YIPF1: variants seen among roughly 807,000 people sequenced by gnomAD.
YIPF1 encodes protein YIPF1.
Under a neutral mutation model 37.0 loss-of-function variants are expected in YIPF1, and 22 were observed. That is an observed-to-expected ratio of 0.59 (90% CI 0.42 to 0.85). YIPF1 has a LOEUF of 0.85. Ranked by LOEUF, YIPF1 falls within the 40% of genes least tolerant of loss-of-function variation. The probability of loss-of-function intolerance (pLI) is 0.00; values close to 1 mark genes in which losing one functional copy is unlikely to be tolerated. For synonymous variants in YIPF1, 128 were observed against 131.9 expected (o/e 0.97, Z 0.21); for missense variants, 355 against 373.1 (o/e 0.95, Z 0.40).
intron 7 of YIPF1, among the ~76,000 whole-genome samples, chr1:53,869,158 T>TCACACA (rs1191309311): frequency 1.4e-4 from 17 of 121,398 alleles, no homozygotes; most frequent in African/African-American, 4.5e-4. Flanking sequence ...TCTCTCTCTC[T>TCACACA]CTCACACACA....
chr1:53,882,532 A>G (rs1650529652), intron 4 of YIPF1, among the ~76,000 whole-genome samples: 1 of 151,054 alleles, frequency 6.6e-6, no homozygotes, highest in Non-Finnish European at 1.5e-5. Flanking sequence ...ATCTCAGCTC[A>G]CTGCAACCTC....
chr1:53,881,207 G>A (rs1650487582), intron 4 of YIPF1, among the ~76,000 whole-genome samples: 1 of 136,958 alleles, frequency 7.3e-6, no homozygotes, highest in Non-Finnish European at 1.5e-5. Flanking sequence ...AGGTTGCAAT[G>A]AGCCTCCAGC....
At chr1:53,885,383 T>C (rs754443088) in intron 3 of YIPF1, among the ~76,000 whole-genome samples, 17 of 152,062 alleles carry the variant, frequency 1.1e-4, no homozygotes, top group Admixed American at 3.3e-4. Context: ...ACACACAAAC[T>C]GGTGGTCCCA....
At chr1:53,852,989 G>A (rs1157294930) in intron 10 of YIPF1, among the ~76,000 whole-genome samples, 4 of 152,172 alleles carry the variant, frequency 2.6e-5, no homozygotes, top group Non-Finnish European at 5.9e-5. Flanking sequence ...GGACAGAGAT[G>A]AAAAATACTT....
Position 53,889,286 on chromosome 1 carries a change from G to A in YIPF1, c.-92C>T, listed in dbSNP as rs1428270057. The A allele has an allele frequency of 9.6e-6, 2 of 208,042 alleles. No homozygotes were observed. Among genetic ancestry groups the A allele is most frequent in the East Asian group, 1.0e-4 (1 of 9,542 alleles). The allele number at this position is 208,042 out of a possible 1,614,324, so 12.9% of individuals were successfully genotyped here. On this transcript the variant is annotated 5_prime_UTR_variant, in exon 2 of 11. Transcript: ENST00000072644. ...AGCAGGTGCAGCCTAGAGATGTAAC[G>A]ATGAGGAAGGAGAGGCTGAGGTTTG... is the stretch of plus-strand genomic sequence containing the variant.
rs761442330 is a variant in YIPF1 at position 53,866,900 on chromosome 1, T to C, written c.506A>G (p.Tyr169Cys). 3.1e-6 allele frequency: 5 copies of C among 1,613,110 alleles called. No homozygotes were observed. Among genetic ancestry groups the C allele is most frequent in the South Asian group, 1.1e-5 (1 of 90,950 alleles). Residue 169 changes from tyrosine (Y) to cysteine (C), a missense_variant, in exon 8 of 11, where the codon TAT becomes TGT. Transcript: ENST00000072644. The stretch of plus-strand genomic sequence containing the variant: ...AAGAGGAACCAGCCAGGCATAGGCA[T>C]AGATGATGGTAGCTGCTATGGACAC... ...RKVSIAATII[Y>C]AYAWLVPLAL... is the part of the protein sequence containing the mutation.
At position 53,885,395 on chromosome 1, in the gene YIPF1, C is replaced by T. The variant is rs541548249; in HGVS notation, c.32-2119G>A. On this transcript the variant is annotated intron_variant, in intron 3 of 10. Transcript: ENST00000072644. ...GGCACACACAAACTGGTGGTCCCAG[C>T]TACTTGGGACGCTGAGGCAGGAGAA... is the stretch of plus-strand genomic sequence containing the variant. Among the ~76,000 whole-genome samples the T allele has an allele frequency of 2.3e-4, 35 of 152,278 alleles. No homozygotes were observed. In the South Asian group the frequency reaches 7.2e-3, roughly 32 times the overall value.
At position 53,871,417 on chromosome 1, in the gene YIPF1, G is replaced by A; in HGVS notation, c.436C>T (p.His146Tyr). Reference sequence around the variant, plus strand: ...TAATGGTACGTCTTCTCTCCCAGATGGATCAAGAAGTTGGAAAGATTCCCA... The same window carrying A: ...TAATGGTACGTCTTCTCTCCCAGATAGATCAAGAAGTTGGAAAGATTCCCA... ...ISGNLSNFLI[H>Y]LGEKTYHYVP... Residue 146 changes from histidine to tyrosine, a missense_variant, in exon 7 of 11, where the codon CAT becomes TAT. Transcript: ENST00000072644. 1 of 1,613,984 alleles carries A rather than the reference G, an allele frequency of 6.2e-7. No individual in the cohort carries two copies. The highest frequency in any genetic ancestry group is 8.5e-7 in the Non-Finnish European group (1 of 1,179,936).
chr1:53,853,770 C>T (rs1265405202), intron 10 of YIPF1, among the ~76,000 whole-genome samples: 1 of 152,224 alleles, frequency 6.6e-6, no homozygotes, highest in Non-Finnish European at 1.5e-5. Flanking sequence ...ACCTAAAGCC[C>T]TGATCAGCCT....
intron 6 of YIPF1, among the ~76,000 whole-genome samples, chr1:53,877,377 T>C (rs2100737031): frequency 6.6e-6 from 1 of 152,344 alleles, no homozygotes; most frequent in Non-Finnish European, 1.5e-5. Flanking sequence ...TGATCCTCAC[T>C]GAGCATCAGC....
At position 53,860,094 on chromosome 1, in the gene YIPF1, G is replaced by C; in HGVS notation, c.891C>G (p.Asn297Lys). The part of the protein sequence containing the change: ...DHLPTTTATP[N>K]QTVAAAKSS ...TGGACTTGGCTGCAGCAACTGTTTG[G>C]TTTGGAGTAGCTGTAGTTGTTGGGA... The change falls in exon 10 of 11, where the codon AAC (asparagine) becomes AAG (lysine). Residue 297 changes from asparagine to lysine, a missense_variant. Physicochemically the swap from Asn to Lys is moderately conservative, Grantham distance 94 (BLOSUM62 0). Coordinates refer to ENST00000072644, the MANE Select transcript of YIPF1 (RefSeq NM_018982.5). 1 of 1,614,132 alleles carries C rather than the reference G, an allele frequency of 6.2e-7. No homozygotes were observed. Among genetic ancestry groups the C allele is most frequent in the Non-Finnish European group, 8.5e-7 (1 of 1,180,002 alleles).
At chr1:53,864,999 C>G (rs1268766565) in intron 9 of YIPF1, among the ~76,000 whole-genome samples, 1 of 152,152 alleles carries the variant, frequency 6.6e-6, no homozygotes, top group Non-Finnish European at 1.5e-5. Context: ...AGTGACAGAG[C>G]CGGTCTTCAA....
intron 3 of YIPF1, among the ~76,000 whole-genome samples, chr1:53,883,986 G>A (rs955117364): frequency 6.6e-6 from 1 of 151,334 alleles, no homozygotes; most frequent in Non-Finnish European, 1.5e-5. Flanking sequence ...GCAGTGAGCC[G>A]AGATCACACC....
intron 6 of YIPF1, among the ~76,000 whole-genome samples, chr1:53,875,711 A>T (rs1343384209): frequency 1.3e-5 from 2 of 152,150 alleles, no homozygotes; most frequent in Non-Finnish European, 2.9e-5. Flanking sequence ...CTTTGAATGT[A>T]CTAGGCTAGC....
intron 6 of YIPF1, among the ~76,000 whole-genome samples, chr1:53,873,501 AT>A (rs1182019459): frequency 6.6e-6 from 1 of 152,090 alleles, no homozygotes; most frequent in Non-Finnish European, 1.5e-5. Flanking sequence ...TGAGTTAGGA[AT>A]TTATCTTGAG....
At chr1:53,866,407 G>A (rs199984223) in intron 8 of YIPF1, 25 bp from the exon 9 acceptor site, 8 of 1,608,596 alleles carry the variant, frequency 5.0e-6, no homozygotes, top group Non-Finnish European at 5.9e-6. Flanking sequence ...AAGGAGGAGC[G>A]GGGAGTTCTT....
At chr1:53,853,285 G>C (rs960697470) in intron 10 of YIPF1, among the ~76,000 whole-genome samples, 1 of 152,174 alleles carries the variant, frequency 6.6e-6, no homozygotes, top group African/African-American at 2.4e-5. Context: ...CCAGGCGAGG[G>C]TGTAATAAAG....
chr1:53,857,394 T>C (rs1649747235), intron 10 of YIPF1, among the ~76,000 whole-genome samples: 1 of 152,194 alleles, frequency 6.6e-6, no homozygotes, highest in Non-Finnish European at 1.5e-5. Flanking sequence ...CAAAGGAGTG[T>C]GGAGACTGCT....
intron 4 of YIPF1, among the ~76,000 whole-genome samples, chr1:53,882,070 T>C (rs554475847): frequency 2.6e-5 from 4 of 152,254 alleles, no homozygotes; most frequent in African/African-American, 9.6e-5. Context: ...GGGACATGGA[T>C]GGAGTTGGAA....
Sources: allele counts gnomAD v4.1 joint callset (sites outside exome capture counted in the v4.1 genomes callset), GRCh38; gene constraint gnomAD v4.1.1; transcripts MANE v1.5; gene names NCBI Gene and HGNC (gene_info 2026-07-23, HGNC 2026-07-21).